Variants in CRYZ observed in about 807,000 individuals in gnomAD.
The protein encoded by CRYZ is crystallin zeta.
CRYZ carries 35 observed loss-of-function variants against 34.1 expected under a neutral mutation model. That is an observed-to-expected ratio of 1.03 (90% CI 0.78 to 1.36). CRYZ has a LOEUF of 1.36. Ranked by LOEUF, CRYZ falls within the 40% of genes most tolerant of loss-of-function variation. The pLI is 0.00. For synonymous variants in CRYZ, 137 were observed against 136.5 expected, an observed-to-expected ratio of 1.00 and a Z score of -0.03; for missense variants, 403 against 391.8, an observed-to-expected ratio of 1.03 and a Z score of -0.24.
chr1:74,711,675 C>A (rs1202785946), intron 5 of CRYZ, among the ~76,000 whole-genome samples: 1 of 151,996 alleles, frequency 6.6e-6, no homozygotes, highest in Admixed American at 6.6e-5. Context: ...CGCTTGGGCC[C>A]AGGAATTTGA....
At chr1:74,730,109 GA>G (rs1463111411) in intron 1 of CRYZ, among the ~76,000 whole-genome samples, 1 of 151,818 alleles carries the variant, frequency 6.6e-6, no homozygotes, top group African/African-American at 2.4e-5. Context: ...AAATTACTCT[GA>G]AATAGGATCT....
chr1:74,730,136 C>CA (rs1557736249), intron 1 of CRYZ, among the ~76,000 whole-genome samples: 1 of 152,144 alleles, frequency 6.6e-6, no homozygotes, highest in African/African-American at 2.4e-5. Flanking sequence ...TTTCCCCCCC[C>CA]ACATTTTGGC....
chr1:74,732,515 C>A (rs1647849699), intron 1 of CRYZ, among the ~76,000 whole-genome samples: 1 of 150,578 alleles, frequency 6.6e-6, no homozygotes, highest in East Asian at 1.9e-4. Flanking sequence ...TGGGAAGGGG[C>A]CCTGGACAGA....
At chr1:74,724,222 G>C (rs528521567) in intron 2 of CRYZ, among the ~76,000 whole-genome samples, 1 of 152,286 alleles carries the variant, frequency 6.6e-6, no homozygotes, top group East Asian at 1.9e-4. Context: ...AAGAAAATTA[G>C]ACTTGGGAGC....
At chr1:74,729,872 A>C (rs1647610226) in intron 1 of CRYZ, among the ~76,000 whole-genome samples, 1 of 152,162 alleles carries the variant, frequency 6.6e-6, no homozygotes, top group Admixed American at 6.5e-5. Context: ...CCTTAACTGT[A>C]CATGAAGTGG....
intron 4 of CRYZ, 102 bp from the exon 5 acceptor site, chr1:74,714,732 A>G (rs1647048806): frequency 9.0e-7 from 1 of 1,110,528 alleles, no homozygotes; most frequent in African/African-American, 1.6e-5. Flanking sequence ...TCTGGCTAAC[A>G]CTTACACAAA....
At chr1:74,706,817 C>T in intron 8 of CRYZ, 82 bp downstream of exon 8, 1 of 1,126,322 alleles carries the variant, frequency 8.9e-7, no homozygotes. Context: ...AGTTTAACAT[C>T]TATTCAAACT....
At chr1:74,717,005 C>T (rs559640898) in intron 4 of CRYZ, among the ~76,000 whole-genome samples, 1 of 152,254 alleles carries the variant, frequency 6.6e-6, no homozygotes, top group East Asian at 1.9e-4. Flanking sequence ...TTGCCTCCTA[C>T]TTAATTGTGA....
At chr1:74,714,078 C>T (rs986706089) in intron 5 of CRYZ, among the ~76,000 whole-genome samples, 1 of 151,832 alleles carries the variant, frequency 6.6e-6, no homozygotes, top group Admixed American at 6.6e-5. Flanking sequence ...GGGCTGTATA[C>T]GTGCACTCCA....
rs1161929046 is a variant in CRYZ, at chr1:74,707,178, A to T, written c.657T>A (p.Asp219Glu). The T allele has an allele frequency of 6.4e-7, 1 of 1,572,354 alleles. No individual in the cohort carries two copies. Among genetic ancestry groups the T allele is most frequent in the Non-Finnish European group, 8.7e-7 (1 of 1,152,144 alleles). Residue 219 changes from aspartate (D) to glutamate (E), a missense_variant, in exon 7 of 9, where the codon GAT becomes GAA. Physicochemically the swap from Asp to Glu is conservative, Grantham distance 45. Coordinates refer to ENST00000340866, the MANE Select transcript of CRYZ (RefSeq NM_001889.4). Reference protein sequence around the residue: ...IKKYVGEKGIDIIIEMLANVN... With the variant: ...IKKYVGEKGIEIIIEMLANVN... ...CATTAGCTAACATTTCAATAATTAT[A>T]TCAATTCCTTTCTCACCAACATACT...
chr1:74,710,704 G>GT (rs5775260), intron 5 of CRYZ, among the ~76,000 whole-genome samples: 4,685 of 152,238 alleles, frequency 0.031, 246 homozygotes, highest in African/African-American at 0.11. Context: ...AATAACAAAT[G>GT]TAAGGCCTCC....
rs1646924527 is a variant in CRYZ, at chr1:74,706,134, A to C, written c.*162T>G. 2 of 545,670 alleles carry C rather than the reference A, an allele frequency of 3.7e-6. No individual in the cohort carries two copies. Among genetic ancestry groups the C allele is most frequent in the Admixed American group, 3.7e-5 (1 of 26,996 alleles). The allele number at this position is 545,670 out of a possible 1,614,324, so 33.8% of individuals were successfully genotyped here. On this transcript the variant is annotated 3_prime_UTR_variant, in exon 9 of 9. Coordinates refer to ENST00000340866, the MANE Select transcript of CRYZ (RefSeq NM_001889.4). ...ATAAAAAAATATTGCTAGCTATACA[A>C]TAAATTTTACTCTTCTGCTTCTGCT... is the stretch of plus-strand genomic sequence containing the variant.
At chr1:74,706,497 G>A (rs375060582) in intron 8 of CRYZ, 40 bp from the exon 9 acceptor site, 107 of 1,536,414 alleles carry the variant, frequency 7.0e-5, no homozygotes, top group Admixed American at 5.1e-4. Context: ...GTAGTGAACC[G>A]TATGATTTAA....
chr1:74,724,769 C>G lies in CRYZ; in HGVS notation c.53G>C (p.Gly18Ala). ...MRAVRVFEFG[G>A]PEVLKLRSDI... ...TGATCGCAATTTCAGGACTTCTGGC[C>G]CACCAAATTCAAAAACTCTAACAGC... The change falls in exon 2 of 9, where the codon GGG (glycine) becomes GCG (alanine). Residue 18 changes from glycine (G) to alanine (A), a missense_variant. Transcript: ENST00000340866. The G allele has an allele frequency of 6.2e-7, 1 of 1,613,554 alleles. No individual in the cohort carries two copies. The highest frequency in any genetic ancestry group is 8.5e-7 in the Non-Finnish European group (1 of 1,179,712).
chr1:74,729,127 T>C (rs1647547396), intron 1 of CRYZ, among the ~76,000 whole-genome samples: 1 of 94,664 alleles, frequency 1.1e-5, no homozygotes, highest in African/African-American at 3.9e-5. Flanking sequence ...GAGGTTGTTT[T>C]TGTTTTGTTT....
intron 3 of CRYZ, among the ~76,000 whole-genome samples, chr1:74,722,732 C>T (rs575416227): frequency 2.6e-5 from 4 of 151,908 alleles, no homozygotes; most frequent in Admixed American, 6.6e-5. Flanking sequence ...TTAACTTTCT[C>T]TTTATATTAT....
intron 1 of CRYZ, among the ~76,000 whole-genome samples, chr1:74,725,450 G>C (rs748031860): frequency 1.3e-5 from 2 of 152,126 alleles, no homozygotes; most frequent in Non-Finnish European, 2.9e-5. Context: ...ATCAGATATT[G>C]TGAGACTTAT....
chr1:74,731,683 G>A lies in CRYZ; in HGVS notation c.-14+1273C>T, dbSNP rs1009176852. 7.9e-5 allele frequency among the ~76,000 whole-genome samples: 12 copies of A among 152,274 alleles called. No homozygotes were observed. The Middle Eastern group carries it at 0.01, about 129-fold the overall frequency. On this transcript the variant is annotated intron_variant, in intron 1 of 8. Transcript: ENST00000340866. The stretch of plus-strand genomic sequence containing the variant: ...TGTTCCCTAATGCTGGAGGAGTAGA[G>A]CTTGGAGAGATTTGCTGCTGAACTC...
At chr1:74,724,956 C>T in intron 1 of CRYZ, 122 bp from the exon 2 acceptor site, 1 of 576,612 alleles carries the variant, frequency 1.7e-6, no homozygotes, top group East Asian at 3.0e-5. Context: ...ATGAGCTTAC[C>T]ACTGATCTCA....
Sources: gnomAD v4.1 joint callset for allele counts (sites outside exome capture counted in the v4.1 genomes callset) on GRCh38, gnomAD v4.1.1 for gene constraint, MANE v1.5 for transcripts, NCBI Gene and HGNC (gene_info 2026-07-23, HGNC 2026-07-21) for gene names.